Variants in ADCY2 observed in about 807,000 individuals in gnomAD.
ADCY2 encodes adenylate cyclase type 2.
ADCY2 carries 31 observed loss-of-function variants against 125.2 expected under a neutral mutation model. The ratio of observed to expected loss-of-function variants is 0.25; its 90% confidence interval spans 0.19 to 0.33. The LOEUF (loss-of-function observed/expected upper bound fraction) is 0.33, where lower values mean the gene tolerates loss of function less well. Ranked by LOEUF, ADCY2 falls within the 10% of genes least tolerant of loss-of-function variation. The probability of loss-of-function intolerance (pLI) is 1.00; values close to 1 mark genes in which losing one functional copy is unlikely to be tolerated. For synonymous variants in ADCY2, 512 were observed against 548.4 expected (o/e 0.93, Z 0.93); for missense variants, 904 against 1,418.2 (o/e 0.64, Z 5.82).
chr5:7,579,436 G>A (rs1724397775), intron 3 of ADCY2, among the ~76,000 whole-genome samples: 1 of 149,436 alleles, frequency 6.7e-6, no homozygotes, highest in African/African-American at 2.4e-5. Flanking sequence ...CACAGAGACA[G>A]AGAGAGAGAG....
chr5:7,785,462 G>A (rs1467636012), intron 19 of ADCY2, among the ~76,000 whole-genome samples: 1 of 152,078 alleles, frequency 6.6e-6, no homozygotes, highest in African/African-American at 2.4e-5. Flanking sequence ...AGCTGTTTGA[G>A]GTCCCTTCTT....
intron 3 of ADCY2, among the ~76,000 whole-genome samples, chr5:7,593,824 A>G (rs113603426): frequency 6.6e-6 from 1 of 152,202 alleles, no homozygotes; most frequent in Non-Finnish European, 1.5e-5. Flanking sequence ...ATAACATGAC[A>G]GAGTGTCACA....
chr5:7,592,543 G>GAA (rs34665439), intron 3 of ADCY2, among the ~76,000 whole-genome samples: 16 of 149,882 alleles, frequency 1.1e-4, no homozygotes, highest in South Asian at 8.4e-4. Context: ...AGGGGAACTG[G>GAA]AAAAAAAAAT....
At chr5:7,787,034 C>T (rs1209087158) in intron 19 of ADCY2, among the ~76,000 whole-genome samples, 2 of 152,194 alleles carry the variant, frequency 1.3e-5, no homozygotes, top group African/African-American at 2.4e-5. Flanking sequence ...CTGTCTCACT[C>T]ACTGTTGATA....
At position 7,826,724 on chromosome 5, in the gene ADCY2, C is replaced by G; in HGVS notation, c.3129C>G (p.Thr1043=). ...STGVLDKIQV[T]EETSLVLQTL... ...CGTGTTCCTGTGCCTTCTAGGTTAC[C>G]GAGGAGACGAGCCTCGTCCTGCAGA... is the stretch of plus-strand genomic sequence containing the variant. The change falls in exon 25 of 25, where the codon ACC becomes ACG. Residue 1043 remains threonine, a synonymous_variant. Coordinates refer to ENST00000338316, the MANE Select transcript of ADCY2 (RefSeq NM_020546.3). 2.5e-6 allele frequency: 4 copies of G among 1,613,708 alleles called. No homozygotes were observed. The highest frequency in any genetic ancestry group is 3.4e-6 in the Non-Finnish European group (4 of 1,179,916).
At chr5:7,524,913 AATTT>A (rs1175248217) in intron 3 of ADCY2, among the ~76,000 whole-genome samples, 1 of 152,306 alleles carries the variant, frequency 6.6e-6, no homozygotes, top group Middle Eastern at 3.4e-3. Flanking sequence ...AACTTGTTTC[AATTT>A]ATTTATTTAT....
chr5:7,602,189 A>G (rs1313379992), intron 3 of ADCY2, among the ~76,000 whole-genome samples: 6 of 152,202 alleles, frequency 3.9e-5, no homozygotes, highest in Admixed American at 2.6e-4. Flanking sequence ...ATTTTTTCCA[A>G]GTAAGGTCAC....
intron 3 of ADCY2, among the ~76,000 whole-genome samples, chr5:7,523,709 T>G (rs1366800611): frequency 1.3e-5 from 2 of 152,204 alleles, no homozygotes; most frequent in African/African-American, 4.8e-5. Flanking sequence ...GAAAAACACT[T>G]TATTGAATTC....
At chr5:7,462,470 T>C (rs1237909462) in intron 2 of ADCY2, among the ~76,000 whole-genome samples, 1 of 152,216 alleles carries the variant, frequency 6.6e-6, no homozygotes, top group Non-Finnish European at 1.5e-5. Flanking sequence ...TAATAAGCAA[T>C]GTAGTTGACA....
intron 4 of ADCY2, among the ~76,000 whole-genome samples, chr5:7,643,126 G>T (rs1738769526): frequency 6.6e-6 from 1 of 151,406 alleles, no homozygotes. Context: ...TTCCCATTCA[G>T]AAATGTTGGA....
chr5:7,630,128 G>A (rs1188005071), intron 4 of ADCY2, among the ~76,000 whole-genome samples: 3 of 152,122 alleles, frequency 2.0e-5, no homozygotes, highest in Non-Finnish European at 4.4e-5. Flanking sequence ...GCAACTCTCT[G>A]TGGGGATTCT....
chr5:7,715,262 T>C (rs981576382), intron 11 of ADCY2, among the ~76,000 whole-genome samples: 1 of 152,260 alleles, frequency 6.6e-6, no homozygotes, highest in African/African-American at 2.4e-5. Context: ...ATTTACAGCA[T>C]TGAGCTCTCT....
intron 2 of ADCY2, among the ~76,000 whole-genome samples, chr5:7,419,195 T>C (rs1740087898): frequency 6.6e-6 from 1 of 152,148 alleles, no homozygotes; most frequent in Non-Finnish European, 1.5e-5. Flanking sequence ...ACCACTCTCA[T>C]TGCTGATACT....
intron 2 of ADCY2, among the ~76,000 whole-genome samples, chr5:7,493,139 GA>G (rs1473358730): frequency 5.3e-5 from 8 of 152,140 alleles, no homozygotes; most frequent in Non-Finnish European, 1.0e-4. Flanking sequence ...AAAAAATGAA[GA>G]AAAAGAAAGC....
intron 4 of ADCY2, among the ~76,000 whole-genome samples, chr5:7,669,578 G>C (rs1039695420): frequency 6.6e-6 from 1 of 152,282 alleles, no homozygotes; most frequent in Admixed American, 6.5e-5. Context: ...AATTCCATGG[G>C]TTGCAATTTG....
intron 1 of ADCY2, among the ~76,000 whole-genome samples, chr5:7,397,171 G>T (rs776285052): frequency 1.3e-5 from 2 of 152,168 alleles, no homozygotes; most frequent in Non-Finnish European, 2.9e-5. Flanking sequence ...TTGCTTTCCC[G>T]TTTCTAAAGA....
chr5:7,693,413 G>GTTTTTTTTTTTTTTTTTT (rs70940751), intron 5 of ADCY2, among the ~76,000 whole-genome samples: 19 of 32,394 alleles, frequency 5.9e-4, no homozygotes, highest in South Asian at 2.2e-3. Flanking sequence ...GCTGTTTTTT[G>GTTTTTTTTTTTTTTTTTT]TTTTTTTTTT....
chr5:7,689,225 A>G (rs1740626891), intron 4 of ADCY2, among the ~76,000 whole-genome samples: 1 of 152,174 alleles, frequency 6.6e-6, no homozygotes, highest in Non-Finnish European at 1.5e-5. Context: ...GTCAGACGAG[A>G]CTAGATGGAC....
intron 15 of ADCY2, among the ~76,000 whole-genome samples, chr5:7,747,547 G>A (rs572245671): frequency 2.6e-5 from 4 of 152,168 alleles, no homozygotes; most frequent in South Asian, 2.1e-4. Flanking sequence ...CAATGATCAC[G>A]TGGATGAGAG....
Sources: allele counts gnomAD v4.1 joint callset (sites outside exome capture counted in the v4.1 genomes callset), GRCh38; gene constraint gnomAD v4.1.1; transcripts MANE v1.5; gene names NCBI Gene and HGNC (gene_info 2026-07-23, HGNC 2026-07-21).